SND1: variants seen among roughly 807,000 people sequenced by gnomAD.
The protein encoded by SND1 is staphylococcal nuclease domain-containing protein 1.
Under a neutral mutation model 121.7 loss-of-function variants are expected in SND1, and 38 were observed. The ratio of observed to expected loss-of-function variants is 0.31; its 90% CI spans 0.24 to 0.41. The LOEUF is 0.41. Among genes scored for constraint, SND1 ranks in the 10% least tolerant of loss-of-function variants. The pLI is 1.00. For missense variants in SND1, 868 were observed against 1,184.6 expected (o/e 0.73, Z 3.92); for synonymous variants, 401 against 447.4 (o/e 0.90, Z 1.31).
At chr7:127,903,174 A>T (rs922824847) in intron 13 of SND1, among the ~76,000 whole-genome samples, 1 of 151,526 alleles carries the variant, frequency 6.6e-6, no homozygotes, top group East Asian at 1.9e-4. Context: ...GAGCCCCCAC[A>T]CCCAGCCCGA....
intron 11 of SND1, among the ~76,000 whole-genome samples, chr7:127,820,417 A>G (rs1401675636): frequency 4.6e-5 from 7 of 152,198 alleles, no homozygotes; most frequent in Admixed American, 3.3e-4. Flanking sequence ...GCAAAGCAGC[A>G]TGTAGTTTGA....
chr7:127,713,735 A>G (rs1175145264), intron 9 of SND1, among the ~76,000 whole-genome samples: 1 of 152,212 alleles, frequency 6.6e-6, no homozygotes, highest in Admixed American at 6.5e-5. Flanking sequence ...GAGAAATGTG[A>G]AACTTGACAA....
chr7:128,036,203 TTGTGTG>T (rs34733932), intron 16 of SND1, among the ~76,000 whole-genome samples: 5 of 151,624 alleles, frequency 3.3e-5, no homozygotes, highest in Middle Eastern at 3.4e-3. Flanking sequence ...ATGAACACAT[TTGTGTG>T]TGTGTGTGTG....
chr7:127,872,389 T>C (rs1040636282), intron 12 of SND1, among the ~76,000 whole-genome samples: 1 of 152,132 alleles, frequency 6.6e-6, no homozygotes, highest in African/African-American at 2.4e-5. Context: ...TAAGATGACT[T>C]TCAGTACTGA....
chr7:127,941,729 C>T (rs753879601), intron 15 of SND1, among the ~76,000 whole-genome samples: 48 of 152,088 alleles, frequency 3.2e-4, no homozygotes, highest in Non-Finnish European at 5.0e-4. Flanking sequence ...CTAGAGCAGA[C>T]GACATTTATG....
intron 12 of SND1, among the ~76,000 whole-genome samples, chr7:127,854,096 G>T (rs1799223529): frequency 6.6e-6 from 1 of 152,030 alleles, no homozygotes; most frequent in Non-Finnish European, 1.5e-5. Flanking sequence ...TTGTTTTCTA[G>T]CATCATTAGG....
At chr7:127,856,619 T>C (rs1466410273) in intron 12 of SND1, among the ~76,000 whole-genome samples, 3 of 152,190 alleles carry the variant, frequency 2.0e-5, no homozygotes, top group Admixed American at 2.0e-4. Context: ...CAGATTTCCA[T>C]TGTTGGTTTT....
chr7:127,656,552 C>A (rs1432734507), intron 1 of SND1, among the ~76,000 whole-genome samples: 1 of 152,044 alleles, frequency 6.6e-6, no homozygotes, highest in African/African-American at 2.4e-5. Flanking sequence ...TGGCCTCAAG[C>A]TGTCTGCCCA....
chr7:127,884,787 C>T (rs1799862647), intron 12 of SND1, among the ~76,000 whole-genome samples: 1 of 152,154 alleles, frequency 6.6e-6, no homozygotes, highest in African/African-American at 2.4e-5. Flanking sequence ...CCTGAACCAA[C>T]ATACCATGAG....
At chr7:128,019,503 T>C (rs1416443065) in intron 16 of SND1, among the ~76,000 whole-genome samples, 1 of 152,194 alleles carries the variant, frequency 6.6e-6, no homozygotes, top group Non-Finnish European at 1.5e-5. Context: ...TAGCAGAAAT[T>C]GCCGCTCCTT....
chr7:127,870,794 C>G (rs1323063712), intron 12 of SND1, among the ~76,000 whole-genome samples: 2 of 152,118 alleles, frequency 1.3e-5, no homozygotes, highest in Non-Finnish European at 2.9e-5. Flanking sequence ...GCTTAGGCTA[C>G]ATTAAATTGA....
intron 15 of SND1, among the ~76,000 whole-genome samples, chr7:127,949,444 A>G (rs2116852227): frequency 6.6e-6 from 1 of 152,372 alleles, no homozygotes; most frequent in African/African-American, 2.4e-5. Context: ...AGATGTGCAT[A>G]CACACTGAGA....
chr7:127,887,420 T>G (rs1374131223), intron 12 of SND1, among the ~76,000 whole-genome samples: 4 of 152,136 alleles, frequency 2.6e-5, no homozygotes, highest in African/African-American at 7.2e-5. Context: ...GAGAAACACT[T>G]CGTTATGTAA....
At chr7:127,762,086 T>G (rs1797314835) in intron 10 of SND1, among the ~76,000 whole-genome samples, 1 of 152,198 alleles carries the variant, frequency 6.6e-6, no homozygotes, top group African/African-American at 2.4e-5. Flanking sequence ...TCCATTTCCT[T>G]GCTTTGTGGG....
intron 16 of SND1, among the ~76,000 whole-genome samples, chr7:128,064,370 C>T (rs561911068): frequency 2.0e-5 from 3 of 152,184 alleles, no homozygotes; most frequent in African/African-American, 7.2e-5. Flanking sequence ...AAGTCTGGTA[C>T]AGAGACAGCA....
At position 128,013,658 on chromosome 7, in the gene SND1, G is replaced by C. The variant is rs550507816; in HGVS notation, c.1779+22602G>C. Among the ~76,000 whole-genome samples, 11 of 152,288 alleles carry C rather than the reference G, an allele frequency of 7.2e-5. 1 individual carries two copies. The South Asian group carries it at 2.3e-3, about 32-fold the overall frequency. ...TTACACCTCAGATCATCAGGCATTA[G>C]ATTCGCATAAGGAGCACACAACCTA... On this transcript the variant is annotated intron_variant, in intron 16 of 23. Coordinates refer to ENST00000354725, the MANE Select transcript of SND1 (RefSeq NM_014390.4).
chr7:127,919,308 A>C (rs1244807482), intron 14 of SND1, among the ~76,000 whole-genome samples: 1 of 151,944 alleles, frequency 6.6e-6, no homozygotes, highest in African/African-American at 2.4e-5. Context: ...GTTGGGTGGG[A>C]CACAGTTAAG....
intron 16 of SND1, among the ~76,000 whole-genome samples, chr7:128,009,708 T>A (rs184332865): frequency 3.5e-4 from 53 of 152,306 alleles, no homozygotes; most frequent in Non-Finnish European, 7.1e-4. Context: ...ATGTTAGGTT[T>A]GCATTGTGTT....
At chr7:128,034,903 C>G (rs1333783563) in intron 16 of SND1, among the ~76,000 whole-genome samples, 1 of 152,220 alleles carries the variant, frequency 6.6e-6, no homozygotes, top group African/African-American at 2.4e-5. Context: ...CATCTTGCTC[C>G]TCACAGCCCG....
Sources: gnomAD v4.1 joint callset for allele counts (sites outside exome capture counted in the v4.1 genomes callset) on GRCh38, gnomAD v4.1.1 for gene constraint, MANE v1.5 for transcripts, NCBI Gene and HGNC (gene_info 2026-07-23, HGNC 2026-07-21) for gene names.